The following EPHA7 variants were observed in gnomAD, a reference collection of about 807,000 sequenced individuals.
The protein encoded by EPHA7 is EPH receptor A7, also known as ephrin type-A receptor 7.
EPHA7 carries 25 observed loss-of-function variants against 112.6 expected under a neutral mutation model. The observed-to-expected ratio is 0.22, with a 90% CI of 0.16 to 0.31. The LOEUF is 0.31. Ranked by LOEUF, EPHA7 falls within the 10% of genes least tolerant of loss-of-function variation. The pLI is 1.00. For missense variants in EPHA7, 962 were observed against 1,212.6 expected (o/e 0.79, Z 3.07); for synonymous variants, 437 against 406.5 (o/e 1.07, Z -0.90).
intron 3 of EPHA7, among the ~76,000 whole-genome samples, chr6:93,398,997 CAT>C (rs1185380920): frequency 3.3e-5 from 5 of 152,202 alleles, no homozygotes; most frequent in South Asian, 4.1e-4. Context: ...CTAAGCTTAA[CAT>C]GTGTTAATTT....
chr6:93,406,602 T>C (rs778574374), intron 3 of EPHA7, among the ~76,000 whole-genome samples: 31 of 151,864 alleles, frequency 2.0e-4, no homozygotes, highest in Non-Finnish European at 3.4e-4. Context: ...TTTCTTCATA[T>C]GTTGAAAGAG....
chr6:93,362,337 A>C (rs1032264917), intron 3 of EPHA7, among the ~76,000 whole-genome samples: 3 of 152,086 alleles, frequency 2.0e-5, no homozygotes, highest in Admixed American at 1.3e-4. Context: ...AAGATCTGCT[A>C]TATTACTGTT....
intron 5 of EPHA7, among the ~76,000 whole-genome samples, chr6:93,332,556 T>C (rs554580226): frequency 6.6e-6 from 1 of 151,830 alleles, no homozygotes; most frequent in African/African-American, 2.4e-5. Context: ...TTTTGTGCTA[T>C]ATGGTAATAT....
At chr6:93,311,112 C>CTTTTTTTTTTTTTTTTT (rs1434719790) in intron 5 of EPHA7, among the ~76,000 whole-genome samples, 1 of 71,030 alleles carries the variant, frequency 1.4e-5, no homozygotes, top group African/African-American at 6.7e-5. Flanking sequence ...TCATGCCCAG[C>CTTTTTTTTTTTTTTTTT]TATTTTTTTT....
Position 93,240,111 on chromosome 6 carries a change from T to C in EPHA7, c.*3315A>G. The C allele has an allele frequency of 4.5e-6, 1 of 224,698 alleles. No individual in the cohort carries two copies. Among genetic ancestry groups the C allele is most frequent in the East Asian group, 6.4e-5 (1 of 15,536 alleles). 13.9% of individuals were successfully genotyped at this position (224,698 alleles called of 1,614,324 possible). A position where few individuals can be genotyped will look rare whatever the true frequency, so the allele number is the denominator to read the frequency against. The stretch of plus-strand genomic sequence containing the variant: ...TGTTGAAGAAAGAGTTATTTGTGCT[T>C]GATACATTGAAGACACTGTTCAAAA... On this transcript the variant is annotated 3_prime_UTR_variant, in exon 17 of 17. Coordinates refer to ENST00000369303, the MANE Select transcript of EPHA7 (RefSeq NM_004440.4).
Position 93,359,874 on chromosome 6 carries a change from G to GAGAGATAGAT in EPHA7, c.833-1464_833-1463insATCTATCTCT, listed in dbSNP as rs1462833873. 7.7e-3 allele frequency among the ~76,000 whole-genome samples: 983 copies of GAGAGATAGAT among 127,900 alleles called. 1 individual carries two copies. The highest frequency in any genetic ancestry group is 0.012 in the African/African-American group (421 of 33,984). 83.9% of individuals were successfully genotyped at this position (127,900 alleles called of 152,430 possible). A position where few individuals can be genotyped will look rare whatever the true frequency, so the allele number is the denominator to read the frequency against. ...GATGATAGAGAGAGAGAGAGAGAGA[G>GAGAGATAGAT]AGATAGATAGATAGATAGATAGATA... On this transcript the variant is annotated intron_variant, in intron 3 of 16. Coordinates refer to ENST00000369303, the MANE Select transcript of EPHA7 (RefSeq NM_004440.4).
At chr6:93,369,317 G>A (rs978127042) in intron 3 of EPHA7, among the ~76,000 whole-genome samples, 1 of 151,394 alleles carries the variant, frequency 6.6e-6, no homozygotes, top group African/African-American at 2.4e-5. Context: ...TTAATTAATT[G>A]CTGATTTTTA....
chr6:93,289,085 A>G (rs1218949977), intron 5 of EPHA7, among the ~76,000 whole-genome samples: 1 of 151,082 alleles, frequency 6.6e-6, no homozygotes, highest in African/African-American at 2.5e-5. Flanking sequence ...TTGGATAGGA[A>G]GCTTTTTTTC....
chr6:93,332,748 G>A (rs1774660229), intron 5 of EPHA7, among the ~76,000 whole-genome samples: 1 of 151,618 alleles, frequency 6.6e-6, no homozygotes, highest in Admixed American at 6.6e-5. Context: ...AAACTGATAT[G>A]ATCAACATCG....
At chr6:93,312,113 G>A (rs560157697) in intron 5 of EPHA7, among the ~76,000 whole-genome samples, 1 of 152,186 alleles carries the variant, frequency 6.6e-6, no homozygotes, top group East Asian at 1.9e-4. Flanking sequence ...AAGATTTCTG[G>A]ATGTTAAATG....
chr6:93,401,859 T>C (rs1055872882), intron 3 of EPHA7, among the ~76,000 whole-genome samples: 3 of 151,970 alleles, frequency 2.0e-5, no homozygotes, highest in Non-Finnish European at 4.4e-5. Flanking sequence ...AATTCTCCCA[T>C]GAAAATATTA....
intron 5 of EPHA7, among the ~76,000 whole-genome samples, chr6:93,351,921 T>C (rs1472127218): frequency 6.6e-6 from 1 of 152,116 alleles, no homozygotes; most frequent in African/African-American, 2.4e-5. Flanking sequence ...AGTCAAATAG[T>C]GTACCACTTG....
chr6:93,264,230 A>G lies in EPHA7; in HGVS notation c.1743-315T>C, dbSNP rs147435789. 5.0e-3 allele frequency among the ~76,000 whole-genome samples: 766 copies of G among 151,688 alleles called. 8 individuals carry two copies. Among genetic ancestry groups the G allele is most frequent in the South Asian group, 0.016 (78 of 4,820 alleles). On this transcript the variant is annotated intron_variant, in intron 8 of 16. Transcript: ENST00000369303. ...CACAAATAGTCACAGGTGAATGTTT[A>G]CTTATATTTCTTTCTGGAAAAGAAA...
chr6:93,271,905 C>T (rs925855048), intron 6 of EPHA7, among the ~76,000 whole-genome samples: 1 of 151,780 alleles, frequency 6.6e-6, no homozygotes, highest in South Asian at 2.1e-4. Context: ...ATTATCATCA[C>T]TGAAACCACA....
At chr6:93,411,966 A>G (rs1562168809) in intron 2 of EPHA7, among the ~76,000 whole-genome samples, 1 of 152,082 alleles carries the variant, frequency 6.6e-6, no homozygotes, top group African/African-American at 2.4e-5. Flanking sequence ...TACATTACAA[A>G]CAAATCTATA....
intron 3 of EPHA7, among the ~76,000 whole-genome samples, chr6:93,368,662 G>C (rs941874493): frequency 6.6e-6 from 1 of 152,046 alleles, no homozygotes; most frequent in African/African-American, 2.4e-5. Context: ...CAGCTAAAAA[G>C]AAGATAATTA....
chr6:93,290,457 C>T (rs1250497418), intron 5 of EPHA7, among the ~76,000 whole-genome samples: 1 of 152,102 alleles, frequency 6.6e-6, no homozygotes, highest in Non-Finnish European at 1.5e-5. Flanking sequence ...ATAGGTAATA[C>T]ATACAAAATG....
rs1293415332 is a variant in EPHA7, at chr6:93,407,547, G to A, written c.832+2954C>T. On this transcript the variant is annotated intron_variant, in intron 3 of 16. Coordinates refer to ENST00000369303, the MANE Select transcript of EPHA7 (RefSeq NM_004440.4). The stretch of plus-strand genomic sequence containing the variant: ...ATCACCAAGGCTAAAAATTAAGAAA[G>A]TTATGTCATAAGCAATTTACTTGAC... 2.0e-5 allele frequency among the ~76,000 whole-genome samples: 3 copies of A among 151,998 alleles called. No individual in the cohort carries two copies. In the East Asian group the frequency reaches 5.8e-4, roughly 29 times the overall value.
chr6:93,419,388 G>C lies in EPHA7; in HGVS notation c.-47C>G. Reference sequence around the variant, plus strand: ...TTAGGTTTCAGTTATCTTGAGTCGTGGATTTTTAAATGCTGTTTGTTCCGA... The same window carrying C: ...TTAGGTTTCAGTTATCTTGAGTCGTCGATTTTTAAATGCTGTTTGTTCCGA... On this transcript the variant is annotated 5_prime_UTR_variant, in exon 1 of 17. Transcript: ENST00000369303. The C allele has an allele frequency of 6.7e-7, 1 of 1,499,906 alleles. No individual in the cohort carries two copies. The highest frequency in any genetic ancestry group is 1.1e-5 in the South Asian group (1 of 87,600). 92.9% of individuals were successfully genotyped at this position (1,499,906 alleles called of 1,614,324 possible).
Sources: allele counts gnomAD v4.1 joint callset (sites outside exome capture counted in the v4.1 genomes callset), GRCh38; gene constraint gnomAD v4.1.1; transcripts MANE v1.5; gene names NCBI Gene and HGNC (gene_info 2026-07-23, HGNC 2026-07-21).